The following DPP6 variants were observed in gnomAD, a reference collection of about 807,000 sequenced individuals.
The protein encoded by DPP6 is A-type potassium channel modulatory protein DPP6.
In DPP6, 69 loss-of-function variants were observed where a neutral mutation model predicts 122.6. The ratio of observed to expected loss-of-function variants is 0.56; its 90% CI spans 0.46 to 0.69. The LOEUF is 0.69. DPP6 is among the 30% of genes least tolerant of loss of function. The probability of loss-of-function intolerance (pLI) is 0.00; values close to 1 mark genes in which losing one functional copy is unlikely to be tolerated. For synonymous variants in DPP6, 418 were observed against 433.1 expected (o/e 0.97, Z 0.43); for missense variants, 928 against 1,116.9 (o/e 0.83, Z 2.41).
intron 16 of DPP6, among the ~76,000 whole-genome samples, chr7:154,846,060 T>C (rs529916768): frequency 1.2e-4 from 18 of 152,350 alleles, no homozygotes; most frequent in African/African-American, 3.4e-4. Flanking sequence ...ACCAATGGGA[T>C]GAGTCTCGGC....
At chr7:154,467,961 C>G (rs1328814122) in intron 2 of DPP6, among the ~76,000 whole-genome samples, 1 of 152,154 alleles carries the variant, frequency 6.6e-6, no homozygotes, top group Non-Finnish European at 1.5e-5. Context: ...CAGCCATGCT[C>G]TCAGGATGGC....
At chr7:154,190,185 C>T (rs1798545878) in intron 1 of DPP6, among the ~76,000 whole-genome samples, 2 of 152,188 alleles carry the variant, frequency 1.3e-5, no homozygotes, top group Admixed American at 1.3e-4. Flanking sequence ...CACTGATATA[C>T]TAGGTGCATG....
intron 1 of DPP6, among the ~76,000 whole-genome samples, chr7:154,377,425 TTTGGAGTCCAGACTCTTGATCATTG>T (rs1391055104): frequency 2.0e-5 from 3 of 152,118 alleles, no homozygotes; most frequent in Non-Finnish European, 2.9e-5. Context: ...AGCAGTCTAA[TTTGGAGTCCAGACTCTTGATCATTG>T]ATATGATTTG....
chr7:154,406,534 C>G (rs1816130654), intron 1 of DPP6, among the ~76,000 whole-genome samples: 1 of 152,076 alleles, frequency 6.6e-6, no homozygotes, highest in South Asian at 2.1e-4. Context: ...AATGCACACA[C>G]ACACGCACCT....
chr7:154,080,569 C>T (rs1408144499), intron 1 of DPP6, among the ~76,000 whole-genome samples: 2 of 152,158 alleles, frequency 1.3e-5, no homozygotes, highest in Non-Finnish European at 2.9e-5. Context: ...AGCACATATG[C>T]TTTTCCCTAT....
intron 5 of DPP6, among the ~76,000 whole-genome samples, chr7:154,589,037 G>A (rs1031196357): frequency 6.6e-6 from 1 of 152,166 alleles, no homozygotes; most frequent in Non-Finnish European, 1.5e-5. Flanking sequence ...ATTGAGAGGT[G>A]TAGTTGAGTG....
chr7:154,056,473 G>C (rs1800826292), intron 1 of DPP6, among the ~76,000 whole-genome samples: 1 of 152,090 alleles, frequency 6.6e-6, no homozygotes, highest in Non-Finnish European at 1.5e-5. Flanking sequence ...CCGCCTGCTT[G>C]AACATTTCTT....
At chr7:153,849,435 G>A in the DPP6 span, among the ~76,000 whole-genome samples, 1 of 151,952 alleles carries the variant, frequency 6.6e-6, no homozygotes, top group Admixed American at 6.6e-5. Context: ...CCCCCTTATT[G>A]CTTGGAACCA....
At chr7:154,644,813 ATTC>A (rs1836341665) in intron 6 of DPP6, among the ~76,000 whole-genome samples, 1 of 150,692 alleles carries the variant, frequency 6.6e-6, no homozygotes, top group Admixed American at 6.7e-5. Context: ...GGTTCAAGCA[ATTC>A]TTCTACCGCA....
At chr7:154,348,614 A>G (rs536816499) in intron 1 of DPP6, among the ~76,000 whole-genome samples, 173 of 152,318 alleles carry the variant, frequency 1.1e-3, no homozygotes, top group Non-Finnish European at 2.2e-3. Context: ...TCTTCATCTC[A>G]GGAAGACTTT....
intron 2 of DPP6, among the ~76,000 whole-genome samples, chr7:154,459,805 C>CAAAAAAAAAAAAAAAAAAAAAA (rs775605275): frequency 1.6e-5 from 1 of 63,034 alleles, no homozygotes; most frequent in Non-Finnish European, 3.3e-5. Context: ...GATTCCATCT[C>CAAAAAAAAAAAAAAAAAAAAAA]AAAAAAAAAA....
intron 8 of DPP6, among the ~76,000 whole-genome samples, chr7:154,737,043 T>C (rs1842600687): frequency 6.6e-6 from 1 of 152,238 alleles, no homozygotes; most frequent in African/African-American, 2.4e-5. Context: ...GACATGGTCT[T>C]CTTACCGTGA....
chr7:154,390,108 G>C (rs1413601759), intron 1 of DPP6, among the ~76,000 whole-genome samples: 1 of 152,188 alleles, frequency 6.6e-6, no homozygotes, highest in African/African-American at 2.4e-5. Context: ...TTCATTAATT[G>C]AACAATTGAT....
intron 1 of DPP6, among the ~76,000 whole-genome samples, chr7:154,261,099 T>C (rs1323910660): frequency 6.6e-6 from 1 of 152,104 alleles, no homozygotes; most frequent in African/African-American, 2.4e-5. Flanking sequence ...TTTCACCGTA[T>C]TGGCCAGGCT....
intron 1 of DPP6, among the ~76,000 whole-genome samples, chr7:154,386,867 G>A (rs1814157856): frequency 6.6e-6 from 1 of 152,128 alleles, no homozygotes; most frequent in African/African-American, 2.4e-5. Context: ...GGGTGAGCCT[G>A]GAAATAAAAG....
chr7:154,460,527 T>G (rs6966647), intron 2 of DPP6, among the ~76,000 whole-genome samples: 102,424 of 151,988 alleles, frequency 0.67, 35,169 homozygotes, highest in East Asian at 0.91. Flanking sequence ...CACTAGATAA[T>G]ATGGGAAAGA....
chr7:154,667,502 C>T (rs1326610971), intron 6 of DPP6, among the ~76,000 whole-genome samples: 1 of 152,130 alleles, frequency 6.6e-6, no homozygotes, highest in Admixed American at 6.5e-5. Flanking sequence ...CCGAGGCAGA[C>T]GGATTCCCTG....
intron 1 of DPP6, among the ~76,000 whole-genome samples, chr7:153,969,057 T>C (rs945394616): frequency 6.6e-6 from 1 of 151,122 alleles, no homozygotes; most frequent in Admixed American, 6.6e-5. Context: ...AGTGCTACTA[T>C]GAATATTTGT....
At chr7:153,758,398 T>C in the DPP6 span, among the ~76,000 whole-genome samples, 3 of 152,220 alleles carry the variant, frequency 2.0e-5, no homozygotes, top group East Asian at 5.8e-4. Flanking sequence ...GAATGTACGG[T>C]TTAATAAGTA....
Sources: gnomAD v4.1 joint callset for allele counts (sites outside exome capture counted in the v4.1 genomes callset) on GRCh38, gnomAD v4.1.1 for gene constraint, MANE v1.5 for transcripts, NCBI Gene and HGNC (gene_info 2026-07-23, HGNC 2026-07-21) for gene names.